DDC: variants seen among roughly 807,000 people sequenced by gnomAD.
DDC encodes dopa decarboxylase.
A neutral mutation model predicts 60.0 loss-of-function variants in DDC; 43 were observed. The ratio of observed to expected loss-of-function variants is 0.72; its 90% CI spans 0.56 to 0.92. The LOEUF is 0.92. Among genes scored for constraint, DDC ranks in the 40% least tolerant of loss-of-function variants. DDC has a pLI of 0.00. For missense variants in DDC, 573 were observed against 620.2 expected, an observed-to-expected ratio of 0.92 and a Z score of 0.81; for synonymous variants, 232 against 234.6, an observed-to-expected ratio of 0.99 and a Z score of 0.10.
chr7:50,462,768 GTTTTTTTTT>G, intron 14 of DDC, among the ~76,000 whole-genome samples: 1 of 98,328 alleles, frequency 1.0e-5, no homozygotes, highest in Middle Eastern at 5.0e-3. Context: ...TCTTCTTCTT[GTTTTTTTTT>G]TTTTTTTTTT....
intron 11 of DDC, among the ~76,000 whole-genome samples, chr7:50,471,394 A>G (rs2042527832): frequency 6.6e-6 from 1 of 152,116 alleles, no homozygotes; most frequent in South Asian, 2.1e-4. Flanking sequence ...TAAATAAATA[A>G]ATAAAATAAA....
intron 6 of DDC, among the ~76,000 whole-genome samples, chr7:50,526,314 C>T (rs1281483634): frequency 6.6e-6 from 1 of 152,064 alleles, no homozygotes; most frequent in African/African-American, 2.4e-5. Context: ...ATAAAACTAG[C>T]TACCAAACAC....
rs567048997 is a variant in DDC, at chr7:50,524,630, T to C, written c.714+3507A>G. Among the ~76,000 whole-genome samples the C allele has an allele frequency of 3.9e-5, 6 of 152,282 alleles. No individual in the cohort carries two copies. In the East Asian group the frequency reaches 1.2e-3, roughly 29 times the overall value. On this transcript the variant is annotated intron_variant, in intron 6 of 14. Transcript: ENST00000444124. ...GACCATGATAACATATTAATGCATA[T>C]CTATCAAAATGGATAAAATAAAAAA...
intron 10 of DDC, among the ~76,000 whole-genome samples, chr7:50,477,092 A>T (rs1164284672): frequency 1.3e-5 from 2 of 152,228 alleles, no homozygotes; most frequent in Admixed American, 1.3e-4. Flanking sequence ...GTATCCGTGG[A>T]TCTTAGCAGA....
At chr7:50,492,699 T>TCTCTCCCC (rs1214927238) in intron 9 of DDC, 2 of 1,381,408 alleles carry the variant, frequency 1.4e-6, no homozygotes, top group Non-Finnish European at 1.9e-6. Flanking sequence ...CCAAATGGCC[T>TCTCTCCCC]TTTCCAAATG....
At chr7:50,513,269 G>A (rs932365032) in intron 6 of DDC, among the ~76,000 whole-genome samples, 1 of 152,202 alleles carries the variant, frequency 6.6e-6, no homozygotes, top group African/African-American at 2.4e-5. Flanking sequence ...CTGGATCTGA[G>A]TCAATTTAGA....
chr7:50,494,360 A>G (rs2043075724), intron 9 of DDC, among the ~76,000 whole-genome samples: 1 of 152,098 alleles, frequency 6.6e-6, no homozygotes, highest in African/African-American at 2.4e-5. Context: ...ACAAAAAATT[A>G]GCCGGGCGTG....
At chr7:50,522,883 G>A (rs2043937535) in intron 6 of DDC, among the ~76,000 whole-genome samples, 1 of 152,172 alleles carries the variant, frequency 6.6e-6, no homozygotes, top group Non-Finnish European at 1.5e-5. Flanking sequence ...GGGGAAGCAA[G>A]CACATCTTCA....
intron 4 of DDC, among the ~76,000 whole-genome samples, chr7:50,537,333 C>A (rs558009821): frequency 6.6e-6 from 1 of 152,230 alleles, no homozygotes; most frequent in Non-Finnish European, 1.5e-5. Context: ...AGGAATATCA[C>A]GGGCTCTGAG....
chr7:50,522,842 C>A (rs1318097087), intron 6 of DDC, among the ~76,000 whole-genome samples: 1 of 152,112 alleles, frequency 6.6e-6, no homozygotes. Context: ...GGGGGGGCCT[C>A]CGGAAACTTA....
At chr7:50,533,812 A>G (rs1444724546) in intron 4 of DDC, among the ~76,000 whole-genome samples, 2 of 152,210 alleles carry the variant, frequency 1.3e-5, no homozygotes, top group Non-Finnish European at 2.9e-5. Context: ...TTGAATCAGC[A>G]GGGCTCACCA....
intron 1 of DDC, among the ~76,000 whole-genome samples, chr7:50,550,057 G>C (rs1277496361): frequency 6.6e-6 from 1 of 152,220 alleles, no homozygotes; most frequent in Non-Finnish European, 1.5e-5. Flanking sequence ...AGTTCTACTG[G>C]GGGTAAAATG....
At chr7:50,521,313 CCTT>C (rs2043883847) in intron 6 of DDC, among the ~76,000 whole-genome samples, 1 of 152,112 alleles carries the variant, frequency 6.6e-6, no homozygotes, top group Admixed American at 6.5e-5. Context: ...TAATTAAAAA[CCTT>C]CTAAAACAAA....
Position 50,501,202 on chromosome 7 carries a change from C to CTT in DDC, c.782-1961_782-1960insAA, listed in dbSNP as rs546737204. Reference sequence around the variant, plus strand: ...TCTGAGACTTCCCAGGAACTTGCGGCAGGCCTGGCTGCCCCTCCAGCTGCA... The same window carrying CTT: ...TCTGAGACTTCCCAGGAACTTGCGGCTTAGGCCTGGCTGCCCCTCCAGCTGCA... On this transcript the variant is annotated intron_variant, in intron 7 of 14. Coordinates refer to ENST00000444124, the MANE Select transcript of DDC (RefSeq NM_001082971.2). Among the ~76,000 whole-genome samples the CTT allele has an allele frequency of 1.9e-3, 289 of 152,338 alleles. 1 individual carries two copies. Among genetic ancestry groups the CTT allele is most frequent in the African/African-American group, 6.7e-3 (278 of 41,576 alleles).
At chr7:50,546,533 G>A (rs2044812676) in intron 1 of DDC, among the ~76,000 whole-genome samples, 1 of 152,236 alleles carries the variant, frequency 6.6e-6, no homozygotes, top group Admixed American at 6.5e-5. Flanking sequence ...GGCCAAGGAG[G>A]AGACTTGGCT....
intron 6 of DDC, among the ~76,000 whole-genome samples, chr7:50,526,800 A>G (rs138059451): frequency 4.1e-4 from 63 of 152,350 alleles, no homozygotes; most frequent in African/African-American, 1.4e-3. Context: ...ACATTAGCCA[A>G]TAGAAAACAT....
chr7:50,532,233 G>T (rs560364923), intron 4 of DDC, among the ~76,000 whole-genome samples: 1 of 152,116 alleles, frequency 6.6e-6, no homozygotes, highest in Admixed American at 6.5e-5. Context: ...GTGAGCTTCC[G>T]GTGGCAAACA....
intron 6 of DDC, among the ~76,000 whole-genome samples, chr7:50,511,210 A>T (rs2043568536): frequency 6.6e-6 from 1 of 151,606 alleles, no homozygotes; most frequent in Non-Finnish European, 1.5e-5. Context: ...ATTTATATTT[A>T]TTTATGTTAT....
chr7:50,561,297 T>C (rs931173664), intron 1 of DDC, among the ~76,000 whole-genome samples: 1 of 151,856 alleles, frequency 6.6e-6, no homozygotes, highest in Non-Finnish European at 1.5e-5. Flanking sequence ...AAATGGGCCC[T>C]GTGTTCCCAG....
Sources: gnomAD v4.1 joint callset for allele counts (sites outside exome capture counted in the v4.1 genomes callset) on GRCh38, gnomAD v4.1.1 for gene constraint, MANE v1.5 for transcripts, NCBI Gene and HGNC (gene_info 2026-07-23, HGNC 2026-07-21) for gene names.